The following LMX1B variants were observed in gnomAD, a reference collection of about 807,000 sequenced individuals.
LMX1B encodes LIM homeobox transcription factor 1 beta.
LMX1B carries 12 observed loss-of-function variants against 51.4 expected under a neutral mutation model. The observed-to-expected ratio is 0.23, with a 90% CI of 0.15 to 0.38. The LOEUF is 0.38. Ranked by LOEUF, LMX1B falls within the 10% of genes least tolerant of loss-of-function variation. The pLI, the probability that LMX1B is intolerant of heterozygous loss-of-function variation, is 1.00. For synonymous variants in LMX1B, 237 were observed against 235.4 expected (o/e 1.01, Z -0.06); for missense variants, 445 against 571.1 (o/e 0.78, Z 2.25).
At position 126,633,460 on chromosome 9, in the gene LMX1B, C is replaced by A. The variant is rs942242667; in HGVS notation, c.326+17891C>A. Among the ~76,000 whole-genome samples, 3 of 152,170 alleles carry A rather than the reference C, an allele frequency of 2.0e-5. No individual in the cohort carries two copies. In the East Asian group the frequency reaches 5.8e-4, roughly 29 times the overall value. Reference sequence around the variant, plus strand: ...GAAGCTCCCTGGGCCTAGCTCATTGCCTGGCATGGGTGGGTGGGTTGCAGC... The same window carrying A: ...GAAGCTCCCTGGGCCTAGCTCATTGACTGGCATGGGTGGGTGGGTTGCAGC... On this transcript the variant is annotated intron_variant, in intron 2 of 7. Transcript: ENST00000373474.
rs1388443427 is a variant in LMX1B at position 126,673,591 on chromosome 9, C to T, written c.327-17245C>T. ...GTTTTTGAGGGGGTGGTTCCCCAGG[C>T]ACCCAGCTTCACCAGGTCCCCGGGC... On this transcript the variant is annotated intron_variant, in intron 2 of 7. Transcript: ENST00000373474. The surrounding 1 kb of genome is among the most constrained non-coding windows in gnomAD (Gnocchi z 4.4). Among the ~76,000 whole-genome samples the T allele has an allele frequency of 6.6e-6, 1 of 152,128 alleles. No individual in the cohort carries two copies. The highest frequency in any genetic ancestry group is 1.5e-5 in the Non-Finnish European group (1 of 68,008).
In LMX1B at chr9:126,681,910, A is replaced by AAAT. The variant is rs779548204; in HGVS notation, c.327-8914_327-8912dup. Among the ~76,000 whole-genome samples the AAAT allele has an allele frequency of 6.7e-3, 999 of 149,790 alleles. 6 individuals are homozygous for AAAT. The highest frequency in any genetic ancestry group is 0.035 in the Middle Eastern group (10 of 286). On this transcript the variant is annotated intron_variant, in intron 2 of 7. Coordinates refer to ENST00000373474, the MANE Select transcript of LMX1B (RefSeq NM_001174147.2). Reference sequence around the variant, plus strand: ...AGTGAGACTCCATCTCAAAAAAAAAAAATAATAATAATAAAATAAAATGCC... The same window carrying AAAT: ...AGTGAGACTCCATCTCAAAAAAAAAAAATAATAATAATAATAAAATAAAATGCC...
At chr9:126,693,495 C>T in intron 4 of LMX1B, 29 bp from the exon 5 acceptor site, 1 of 1,610,938 alleles carries the variant, frequency 6.2e-7, no homozygotes, top group East Asian at 2.2e-5. Flanking sequence ...CCCTGGAGGG[C>T]CTGACCTGTT....
rs1434714790 is a variant in LMX1B, at chr9:126,614,039, G to C, written c.-411G>C. On this transcript the variant is annotated 5_prime_UTR_variant, in exon 1 of 8. Transcript: ENST00000373474. ...TGCGCCCCGCCCGGGACCCCGCTGC[G>C]CCGCGCGCCCCCCCCGCGGCCCGCG... Among the ~76,000 whole-genome samples, 1 of 114,122 alleles carries C rather than the reference G, an allele frequency of 8.8e-6. No homozygotes were observed. The highest frequency in any genetic ancestry group is 3.0e-5 in the African/African-American group (1 of 33,460). The allele number at this position is 114,122 out of a possible 152,430, so 74.9% of individuals were successfully genotyped here. A position where few individuals can be genotyped will look rare whatever the true frequency, so the allele number is the denominator to read the frequency against.
chr9:126,641,025 AC>A lies in LMX1B; in HGVS notation c.326+25458del, dbSNP rs1835798374. ...GAGACTCCAGAAGCACTTCCAAGTG[AC>A]CTGCCTGGAAGTGACCAGGGGAAAC... On this transcript the variant is annotated intron_variant, in intron 2 of 7. Transcript: ENST00000373474. This position sits in a 1 kb window ranked among gnomAD's most constrained non-coding sequence, Gnocchi z 4.1. 6.6e-6 allele frequency: 1 copy of A among 152,290 alleles called. No individual in the cohort carries two copies. Among genetic ancestry groups the A allele is most frequent in the African/African-American group, 2.4e-5 (1 of 41,460 alleles). 9.4% of individuals were successfully genotyped at this position (152,290 alleles called of 1,614,324 possible).
rs1177872504 is a variant in LMX1B at position 126,671,437 on chromosome 9, C to T, written c.327-19399C>T. Among the ~76,000 whole-genome samples, 1 of 151,920 alleles carries T rather than the reference C, an allele frequency of 6.6e-6. No individual in the cohort carries two copies. Among genetic ancestry groups the T allele is most frequent in the Non-Finnish European group, 1.5e-5 (1 of 67,970 alleles). The stretch of plus-strand genomic sequence containing the variant: ...GCCTGGCCAGCCAGGGCCGAGGGGC[C>T]CATCTTTGTTCCGAGCAGAGCTCAG... On this transcript the variant is annotated intron_variant, in intron 2 of 7. Coordinates refer to ENST00000373474, the MANE Select transcript of LMX1B (RefSeq NM_001174147.2). The surrounding 1 kb of genome is among the most constrained non-coding windows in gnomAD (Gnocchi z 4.4).
intron 2 of LMX1B, among the ~76,000 whole-genome samples, chr9:126,663,380 C>T (rs886370329): frequency 2.0e-5 from 3 of 149,718 alleles, no homozygotes; most frequent in Non-Finnish European, 4.4e-5. Context: ...GCCGAGAACA[C>T]ACCACTGCAC....
chr9:126,678,320 AAC>A (rs1412886756), intron 2 of LMX1B, among the ~76,000 whole-genome samples: 19 of 126,368 alleles, frequency 1.5e-4, no homozygotes, highest in Admixed American at 5.0e-4. Flanking sequence ...AAAAAAAAAA[AAC>A]AAAAAACAAA....
rs1017007175 is a variant in LMX1B, at chr9:126,695,144, C to A, written c.887-695C>A. ...ACAGCCACCTTGACAGAGACCCCAC[C>A]CTTCCTCTGGCTTCCTCACCCACTG... On this transcript the variant is annotated intron_variant, in intron 6 of 7. Coordinates refer to ENST00000373474, the MANE Select transcript of LMX1B (RefSeq NM_001174147.2). The surrounding 1 kb of genome is among the most constrained non-coding windows in gnomAD (Gnocchi z 5.2). Among the ~76,000 whole-genome samples, 3 of 152,174 alleles carry A rather than the reference C, an allele frequency of 2.0e-5. No homozygotes were observed. Among genetic ancestry groups the A allele is most frequent in the African/African-American group, 7.2e-5 (3 of 41,422 alleles).
intron 3 of LMX1B, 152 bp downstream of exon 3, chr9:126,691,220 G>A (rs2030118649): frequency 1.6e-6 from 1 of 630,938 alleles, no homozygotes; most frequent in Non-Finnish European, 2.8e-6. Context: ...CACGCGCACT[G>A]ACGTGTCCAC....
chr9:126,654,042 A>G (rs1836067910), intron 2 of LMX1B, among the ~76,000 whole-genome samples: 1 of 151,828 alleles, frequency 6.6e-6, no homozygotes, highest in Non-Finnish European at 1.5e-5. Context: ...CCGATCCCCT[A>G]CAGCTCCACC....
In LMX1B at chr9:126,632,350, A is replaced by AGGAGGGG. The variant is rs1320994706; in HGVS notation, c.326+16783_326+16789dup. ...TGGGAGGATTTGGGGAGGGCATTCCAGGAGGGGGCCCTGGCAGCAGGAATA... is the reference window on the plus strand; with the variant it reads ...TGGGAGGATTTGGGGAGGGCATTCCAGGAGGGGGGAGGGGGCCCTGGCAGCAGGAATA... On this transcript the variant is annotated intron_variant, in intron 2 of 7. Transcript: ENST00000373474. Among the ~76,000 whole-genome samples, 4 of 152,188 alleles carry AGGAGGGG rather than the reference A, an allele frequency of 2.6e-5. No individual in the cohort carries two copies. In the South Asian group the frequency reaches 6.2e-4, roughly 24 times the overall value.
chr9:126,667,460 G>A (rs1564160955), intron 2 of LMX1B, among the ~76,000 whole-genome samples: 2 of 152,190 alleles, frequency 1.3e-5, no homozygotes, highest in Non-Finnish European at 2.9e-5. Flanking sequence ...ATCTTTGTGC[G>A]CATGTGCCGC....
In LMX1B at chr9:126,613,960, C is replaced by T. The variant is rs1359561795; in HGVS notation, c.-490C>T. 1.4e-5 allele frequency among the ~76,000 whole-genome samples: 2 copies of T among 146,094 alleles called. No homozygotes were observed. The highest frequency in any genetic ancestry group is 6.8e-5 in the Admixed American group (1 of 14,744). Reference sequence around the variant, plus strand: ...GCTCTAAACCCGGCGGCTCAGCGGGCGCACCATGGCACTGGAGTAGCGCGG... The same window carrying T: ...GCTCTAAACCCGGCGGCTCAGCGGGTGCACCATGGCACTGGAGTAGCGCGG... On this transcript the variant is annotated 5_prime_UTR_variant, in exon 1 of 8. Transcript: ENST00000373474. The surrounding 1 kb of genome is among the most constrained non-coding windows in gnomAD (Gnocchi z 4.5).
chr9:126,670,812 G>A lies in LMX1B; in HGVS notation c.327-20024G>A, dbSNP rs553763710. On this transcript the variant is annotated intron_variant, in intron 2 of 7. Coordinates refer to ENST00000373474, the MANE Select transcript of LMX1B (RefSeq NM_001174147.2). ...AATAACGTTTCCATGTAACACGGAC[G>A]AAAAAAGTTTATTTCATTATATGGC... Among the ~76,000 whole-genome samples, 16 of 152,210 alleles carry A rather than the reference G, an allele frequency of 1.1e-4. No individual in the cohort carries two copies. In the South Asian group the frequency reaches 1.7e-3, roughly 16 times the overall value.
chr9:126,690,005 C>T (rs367906594), intron 2 of LMX1B, among the ~76,000 whole-genome samples: 1 of 152,024 alleles, frequency 6.6e-6, no homozygotes, highest in African/African-American at 2.4e-5. Flanking sequence ...TAAGCTGAGA[C>T]GGAGGGATGG....
chr9:126,623,621 C>CT (rs1164960157), intron 2 of LMX1B, among the ~76,000 whole-genome samples: 1 of 152,200 alleles, frequency 6.6e-6, no homozygotes, highest in Admixed American at 6.5e-5. Context: ...GATGGGTTCT[C>CT]TAAGTCCTCC....
intron 2 of LMX1B, among the ~76,000 whole-genome samples, chr9:126,688,598 C>T (rs569737569): frequency 7.2e-5 from 11 of 152,352 alleles, no homozygotes; most frequent in African/African-American, 2.4e-4. Flanking sequence ...CTTCCTCAGC[C>T]CCTCGGGAGA....
At chr9:126,619,957 A>C (rs912637377) in intron 2 of LMX1B, among the ~76,000 whole-genome samples, 7 of 151,992 alleles carry the variant, frequency 4.6e-5, no homozygotes, top group African/African-American at 1.7e-4. Context: ...TGAAATGGGG[A>C]CTTATTCTGC....
Sources: gnomAD v4.1 joint callset for allele counts (sites outside exome capture counted in the v4.1 genomes callset) on GRCh38, gnomAD v4.1.1 for gene constraint, Gnocchi (gnomAD v3.1) non-coding constraint, MANE v1.5 for transcripts, NCBI Gene and HGNC (gene_info 2026-07-23, HGNC 2026-07-21) for gene names.